The following ATP10B variants were observed in gnomAD, a reference collection of about 807,000 sequenced individuals.
ATP10B encodes ATPase phospholipid transporting 10B (putative), also known as phospholipid-transporting ATPase VB.
A neutral mutation model predicts 141.2 loss-of-function variants in ATP10B; 122 were observed. The observed-to-expected ratio is 0.86, with a 90% CI of 0.75 to 1.00. The LOEUF is 1.00. Among genes scored for constraint, ATP10B ranks in the 50% least tolerant of loss-of-function variants. The pLI, the probability that ATP10B is intolerant of heterozygous loss-of-function variation, is 0.00. For synonymous variants in ATP10B, 685 were observed against 692.0 expected, an observed-to-expected ratio of 0.99 and a Z score of 0.16; for missense variants, 1,876 against 1,825.3, an observed-to-expected ratio of 1.03 and a Z score of -0.51.
chr5:160,587,296 C>T (rs1032130441), intron 24 of ATP10B, among the ~76,000 whole-genome samples: 2 of 152,050 alleles, frequency 1.3e-5, no homozygotes, highest in Non-Finnish European at 2.9e-5. Context: ...GGTCTCTGCT[C>T]TGTTCCATTG....
chr5:160,804,745 A>G (rs945282151), intron 1 of ATP10B, among the ~76,000 whole-genome samples: 2 of 152,176 alleles, frequency 1.3e-5, no homozygotes, highest in Non-Finnish European at 2.9e-5. Flanking sequence ...CAACTGTTGG[A>G]CCTTGGGATA....
intron 24 of ATP10B, among the ~76,000 whole-genome samples, chr5:160,581,422 G>C (rs184957946): frequency 6.6e-6 from 1 of 152,300 alleles, no homozygotes; most frequent in Admixed American, 6.5e-5. Context: ...TGGTCATTCA[G>C]GAGCAGGTTG....
chr5:160,714,926 CG>C, intron 3 of ATP10B, among the ~76,000 whole-genome samples: 1 of 142,296 alleles, frequency 7.0e-6, no homozygotes, highest in South Asian at 2.4e-4. Flanking sequence ...TTAGGCTGCT[CG>C]GGGGTCAGGG....
chr5:160,730,698 G>A (rs529757572), intron 2 of ATP10B, among the ~76,000 whole-genome samples: 1 of 152,082 alleles, frequency 6.6e-6, no homozygotes, highest in Non-Finnish European at 1.5e-5. Context: ...GTATATTCTA[G>A]ACACTCTCCA....
At chr5:160,649,043 C>T in intron 8 of ATP10B, 128 bp downstream of exon 8, 1 of 515,392 alleles carries the variant, frequency 1.9e-6, no homozygotes, top group Non-Finnish European at 3.3e-6. Context: ...TCTAGTCCCT[C>T]TTTATCACAC....
chr5:160,790,774 G>A (rs867952899), intron 1 of ATP10B, among the ~76,000 whole-genome samples: 1 of 152,134 alleles, frequency 6.6e-6, no homozygotes, highest in Non-Finnish European at 1.5e-5. Flanking sequence ...TGGGGAATAT[G>A]TTACATCACA....
the ATP10B span, among the ~76,000 whole-genome samples, chr5:160,900,171 A>G: frequency 5.3e-5 from 8 of 151,948 alleles, no homozygotes; most frequent in Admixed American, 3.9e-4. Context: ...GCCTTCCCCC[A>G]ACTACTGAGT....
chr5:160,739,579 G>T (rs190001488), intron 2 of ATP10B, among the ~76,000 whole-genome samples: 378 of 152,206 alleles, frequency 2.5e-3, no homozygotes, highest in Middle Eastern at 6.8e-3. Flanking sequence ...AAGAACAAAT[G>T]TAATAAAAAT....
intron 7 of ATP10B, among the ~76,000 whole-genome samples, chr5:160,653,470 TACA>T (rs1561704294): frequency 1.3e-5 from 1 of 74,316 alleles, no homozygotes; most frequent in African/African-American, 4.5e-5. Context: ...CATATGTACA[TACA>T]TACATAGGTA....
At chr5:160,618,002 G>A (rs777141835) in intron 15 of ATP10B, 29 bp from the exon 16 acceptor site, 5 of 1,551,142 alleles carry the variant, frequency 3.2e-6, no homozygotes, top group Non-Finnish European at 4.5e-6. Context: ...CCCGCATGAG[G>A]CCACATACAA....
chr5:160,742,734 GA>G (rs2127809121), intron 2 of ATP10B, among the ~76,000 whole-genome samples: 1 of 152,302 alleles, frequency 6.6e-6, no homozygotes, highest in East Asian at 1.9e-4. Context: ...AAGAAGGGAA[GA>G]GTTGTTTAGG....
At chr5:160,682,855 T>C (rs1017710151) in intron 6 of ATP10B, among the ~76,000 whole-genome samples, 41 of 151,716 alleles carry the variant, frequency 2.7e-4, no homozygotes, top group Non-Finnish European at 4.0e-4. Context: ...CTGGCTAACA[T>C]GGTGAAACCC....
intron 2 of ATP10B, among the ~76,000 whole-genome samples, chr5:160,755,826 A>T (rs1343653331): frequency 2.1e-3 from 144 of 68,124 alleles, no homozygotes; most frequent in East Asian, 8.2e-3. Context: ...AAAAAAAAAA[A>T]AAAAAAAAAA....
chr5:160,854,588 T>A (rs1023696374), upstream of ATP10B, among the ~76,000 whole-genome samples: 1 of 152,144 alleles, frequency 6.6e-6, no homozygotes, highest in Admixed American at 6.6e-5. Context: ...GGCATTTAGG[T>A]TGGTTCCAAG....
In ATP10B at chr5:160,609,709, C is replaced by G. The variant is rs114554608; in HGVS notation, c.2839-2623G>C. Among the ~76,000 whole-genome samples, 1,431 of 152,234 alleles carry G rather than the reference C, an allele frequency of 9.4e-3. 20 individuals are homozygous for G. The highest frequency in any genetic ancestry group is 0.033 in the African/African-American group (1,353 of 41,538). The stretch of plus-strand genomic sequence containing the variant: ...TAACTTATTTTGGAAAGAATAAAGA[C>G]ATAGTTTATTATTCCTGTGTCTACC... On this transcript the variant is annotated intron_variant, in intron 18 of 25. Transcript: ENST00000327245.
intron 22 of ATP10B, among the ~76,000 whole-genome samples, chr5:160,595,949 A>C (rs1041308054): frequency 7.2e-5 from 11 of 152,278 alleles, no homozygotes; most frequent in Non-Finnish European, 1.3e-4. Flanking sequence ...TCACAGCCGA[A>C]TTCTACCAGA....
intron 2 of ATP10B, among the ~76,000 whole-genome samples, chr5:160,784,866 C>A (rs548202223): frequency 6.6e-6 from 1 of 152,126 alleles, no homozygotes; most frequent in South Asian, 2.1e-4. Context: ...ACTATTCTTT[C>A]TTCCTTTTTT....
intron 1 of ATP10B, among the ~76,000 whole-genome samples, chr5:160,799,176 C>A (rs929634003): frequency 6.6e-6 from 1 of 151,858 alleles, no homozygotes; most frequent in African/African-American, 2.4e-5. Flanking sequence ...AAAAAGAAGT[C>A]CTCGGACTCA....
Position 160,756,387 on chromosome 5 carries a change from C to G in ATP10B, c.-331+29172G>C, listed in dbSNP as rs145309957. ...GTTTTTCTTTTCTCTTGGATAAATA[C>G]TTAGGAGGGCAATGGCTTGGTTGAA... On this transcript the variant is annotated intron_variant, in intron 2 of 25. Transcript: ENST00000327245. Among the ~76,000 whole-genome samples, 64 of 152,180 alleles carry G rather than the reference C, an allele frequency of 4.2e-4. 1 individual carries two copies. In the East Asian group the frequency reaches 0.012, roughly 28 times the overall value.
Sources: gnomAD v4.1 joint callset for allele counts (sites outside exome capture counted in the v4.1 genomes callset) on GRCh38, gnomAD v4.1.1 for gene constraint, MANE v1.5 for transcripts, NCBI Gene and HGNC (gene_info 2026-07-23, HGNC 2026-07-21) for gene names.